ETFBKMT: variants seen among roughly 807,000 people sequenced by gnomAD.
ETFBKMT encodes electron transfer flavoprotein subunit beta lysine methyltransferase, also known as electron transfer flavoprotein beta subunit lysine methyltransferase.
In ETFBKMT, 13 loss-of-function variants were observed where a neutral mutation model predicts 18.3. The observed-to-expected ratio is 0.71, with a 90% CI of 0.46 to 1.13. The LOEUF is 1.13. Among genes scored for constraint, ETFBKMT ranks in the 50% most tolerant of loss-of-function variants. The pLI is 0.00. For missense variants in ETFBKMT, 293 were observed against 306.2 expected (o/e 0.96, Z 0.32); for synonymous variants, 84 against 107.9 (o/e 0.78, Z 1.37).
In ETFBKMT at chr12:31,672,426, T is replaced by C. The variant is rs1244478124; in HGVS notation, c.*4436T>C. Reference sequence around the variant, plus strand: ...ATATTAATTGACAATAAAAAATGTTTAATGTTTCCTCATGTCTAACTGGAG... The same window carrying C: ...ATATTAATTGACAATAAAAAATGTTCAATGTTTCCTCATGTCTAACTGGAG... On this transcript the variant is annotated 3_prime_UTR_variant, in exon 4 of 4. Coordinates refer to ENST00000357721, the MANE Select transcript of ETFBKMT (RefSeq NM_001135863.2). 7.6e-7 allele frequency: 1 copy of C among 1,311,184 alleles called. No homozygotes were observed. The highest frequency in any genetic ancestry group is 1.1e-6 in the Non-Finnish European group (1 of 929,278). 81.2% of individuals were successfully genotyped at this position (1,311,184 alleles called of 1,614,324 possible).
intron 1 of ETFBKMT, among the ~76,000 whole-genome samples, chr12:31,647,899 C>G (rs909610067): frequency 6.6e-6 from 1 of 151,960 alleles, no homozygotes; most frequent in Non-Finnish European, 1.5e-5. Context: ...GAAATTGGAA[C>G]CTTCATAAAT....
upstream of ETFBKMT, among the ~76,000 whole-genome samples, chr12:31,657,215 A>C (rs906718636): frequency 2.0e-5 from 3 of 152,248 alleles, no homozygotes; most frequent in Admixed American, 1.3e-4. Flanking sequence ...CTGGCTTTGT[A>C]AACAAAAATG....
chr12:31,665,742 T>G (rs1406199916), intron 2 of ETFBKMT, among the ~76,000 whole-genome samples: 1 of 150,540 alleles, frequency 6.6e-6, no homozygotes, highest in Non-Finnish European at 1.5e-5. Flanking sequence ...AAGTATCCCT[T>G]ATGGGAAATG....
At chr12:31,647,296 G>T (rs991112340) in intron 1 of ETFBKMT, 18 of 152,192 alleles carry the variant, frequency 1.2e-4, no homozygotes, top group African/African-American at 4.3e-4. Flanking sequence ...TTTATTTTCT[G>T]CAATGAACTT....
In ETFBKMT at chr12:31,672,806, C is replaced by A; in HGVS notation, c.*4816C>A. 1 of 165,640 alleles carries A rather than the reference C, an allele frequency of 6.0e-6. No homozygotes were observed. The highest frequency in any genetic ancestry group is 1.3e-5 in the Non-Finnish European group (1 of 77,052). 10.3% of individuals were successfully genotyped at this position (165,640 alleles called of 1,614,324 possible). A position where few individuals can be genotyped will look rare whatever the true frequency, so the allele number is the denominator to read the frequency against. On this transcript the variant is annotated 3_prime_UTR_variant, in exon 4 of 4. Coordinates refer to ENST00000357721, the MANE Select transcript of ETFBKMT (RefSeq NM_001135863.2). ...ACCAAAAAAGTAGGATTAAAGAAAG[C>A]CAATAGGTACGGTAAACCACCTTGG...
Position 31,669,258 on chromosome 12 carries a change from CTGT to C in ETFBKMT, c.*1270_*1272del, listed in dbSNP as rs1409167092. 3 of 152,078 alleles carry C rather than the reference CTGT, an allele frequency of 2.0e-5. No homozygotes were observed. The highest frequency in any genetic ancestry group is 7.2e-5 in the African/African-American group (3 of 41,382). 9.4% of individuals were successfully genotyped at this position (152,078 alleles called of 1,614,324 possible). A position where few individuals can be genotyped will look rare whatever the true frequency, so the allele number is the denominator to read the frequency against. ...TGCAGTTTTTTTCACCTGTAATTCC[CTGT>C]TATTATACAGTAGCCTAACTGATGT... On this transcript the variant is annotated 3_prime_UTR_variant, in exon 4 of 4. Coordinates refer to ENST00000357721, the MANE Select transcript of ETFBKMT (RefSeq NM_001135863.2).
rs1358615781 is a variant in ETFBKMT, at chr12:31,668,987, TTTC to T, written c.*1000_*1002del. On this transcript the variant is annotated 3_prime_UTR_variant, in exon 4 of 4. Transcript: ENST00000357721. ...AACTGAGTCTGGTTCTGATGCTTGT[TTTC>T]TTTTCAGACTGTTTTTTTGTCTTTT... 6.6e-6 allele frequency: 1 copy of T among 152,276 alleles called. No individual in the cohort carries two copies. Among genetic ancestry groups the T allele is most frequent in the Non-Finnish European group, 1.5e-5 (1 of 68,044 alleles). 9.4% of individuals were successfully genotyped at this position (152,276 alleles called of 1,614,324 possible).
chr12:31,659,459 A>T (rs977474511), upstream of ETFBKMT: 2 of 152,370 alleles, frequency 1.3e-5, no homozygotes, highest in African/African-American at 4.8e-5. Flanking sequence ...TGTGGAACGT[A>T]ACTCTTTTCA....
chr12:31,653,886 T>C (rs919295172), intron 1 of ETFBKMT, among the ~76,000 whole-genome samples: 9 of 151,994 alleles, frequency 5.9e-5, no homozygotes, highest in Non-Finnish European at 1.2e-4. Context: ...AGGCAGAGGT[T>C]GCAGTGAGCT....
chr12:31,664,474 C>T (rs1039199791), intron 2 of ETFBKMT, among the ~76,000 whole-genome samples: 6 of 152,008 alleles, frequency 3.9e-5, no homozygotes, highest in African/African-American at 9.7e-5. Flanking sequence ...CTTTGTCAGC[C>T]GAAATGAGAG....
chr12:31,649,321 C>T (rs1397458581), intron 1 of ETFBKMT, among the ~76,000 whole-genome samples: 1 of 152,200 alleles, frequency 6.6e-6, no homozygotes, highest in South Asian at 2.1e-4. Flanking sequence ...TCTGACTGTA[C>T]TTATTCATTC....
At chr12:31,647,880 G>C (rs777910421) in intron 1 of ETFBKMT, among the ~76,000 whole-genome samples, 2 of 152,042 alleles carry the variant, frequency 1.3e-5, no homozygotes, top group African/African-American at 2.4e-5. Context: ...GTGTTGATAA[G>C]AATGTGGAGA....
At chr12:31,666,817 ATTTTTTTT>A (rs1215263554) in intron 3 of ETFBKMT, among the ~76,000 whole-genome samples, 1 of 140,194 alleles carries the variant, frequency 7.1e-6, no homozygotes. Context: ...TGCCTGGCTA[ATTTTTTTT>A]TTTTTGCATT....
chr12:31,666,373 CCT>C (rs1202865212), intron 3 of ETFBKMT, among the ~76,000 whole-genome samples, 156 bp downstream of exon 3: 2 of 152,064 alleles, frequency 1.3e-5, no homozygotes, highest in African/African-American at 4.8e-5. Context: ...GTAGGAATCC[CCT>C]GAGGTCTGAG....
At chr12:31,652,288 T>G (rs1951024681) in intron 1 of ETFBKMT, among the ~76,000 whole-genome samples, 1 of 152,124 alleles carries the variant, frequency 6.6e-6, no homozygotes, top group Non-Finnish European at 1.5e-5. Flanking sequence ...GCTCCTACAC[T>G]CCTTGTGTGT....
chr12:31,661,803 C>G (rs1275329474), intron 1 of ETFBKMT, 38 bp from the exon 2 acceptor site: 1 of 711,378 alleles, frequency 1.4e-6, no homozygotes, highest in East Asian at 2.6e-5. Context: ...GTTGCTCTTC[C>G]TCAGAATTCT....
At chr12:31,656,356 G>A (rs1391781412), upstream of ETFBKMT, among the ~76,000 whole-genome samples, 3 of 152,266 alleles carry the variant, frequency 2.0e-5, no homozygotes, top group East Asian at 3.9e-4. Flanking sequence ...AGAGAACAAG[G>A]CGCTGTGGGA....
rs773662236 is a variant in ETFBKMT at position 31,667,783 on chromosome 12, C to T, written c.582C>T (p.Asp194=). 1.2e-6 allele frequency: 2 copies of T among 1,614,098 alleles called. No homozygotes were observed. Among genetic ancestry groups the T allele is most frequent in the Non-Finnish European group, 1.7e-6 (2 of 1,180,026 alleles). The change falls in exon 4 of 4, where the codon GAC becomes GAT. Residue 194 remains aspartate (D), a synonymous_variant. Coordinates refer to ENST00000357721, the MANE Select transcript of ETFBKMT (RefSeq NM_001135863.2). ...TTGGCGATATGTTTTATGATGAAGA[C>T]CTTGCAGATAGTCTTCATCAGTGGC... ...VVLGDMFYDE[D]LADSLHQWLK... is the part of the protein sequence containing the mutation.
chr12:31,662,505 CTTTTTTTT>C (rs35366747), intron 2 of ETFBKMT, among the ~76,000 whole-genome samples: 6 of 128,844 alleles, frequency 4.7e-5, no homozygotes, highest in East Asian at 4.5e-4. Context: ...TTCTTTCTTT[CTTTTTTTT>C]TTTTTTTTTT....
Sources: allele counts gnomAD v4.1 joint callset (sites outside exome capture counted in the v4.1 genomes callset), GRCh38; gene constraint gnomAD v4.1.1; transcripts MANE v1.5; gene names NCBI Gene and HGNC (gene_info 2026-07-23, HGNC 2026-07-21).